PRIM2: variants seen among roughly 807,000 people sequenced by gnomAD.
PRIM2 encodes the protein DNA primase large subunit.
PRIM2 carries 39 observed loss-of-function variants against 67.3 expected under a neutral mutation model. The ratio of observed to expected loss-of-function variants is 0.58; its 90% confidence interval spans 0.45 to 0.76. The LOEUF (loss-of-function observed/expected upper bound fraction) is 0.76. Ranked by LOEUF, PRIM2 falls within the 30% of genes least tolerant of loss-of-function variation. The pLI is 0.00. For missense variants in PRIM2, 398 were observed against 598.7 expected, an observed-to-expected ratio of 0.66 and a Z score of 3.50; for synonymous variants, 143 against 198.7, an observed-to-expected ratio of 0.72 and a Z score of 2.36.
chr6:57,363,293 C>T (rs939327432), intron 5 of PRIM2, among the ~76,000 whole-genome samples: 1 of 152,048 alleles, frequency 6.6e-6, no homozygotes, highest in Non-Finnish European at 1.5e-5. Flanking sequence ...AGAACCATGA[C>T]ACAATTATAT....
chr6:57,514,417 A>G (rs1255970795), intron 8 of PRIM2, among the ~76,000 whole-genome samples: 3 of 152,064 alleles, frequency 2.0e-5, no homozygotes, highest in Non-Finnish European at 4.4e-5. Context: ...GGGCTTCATC[A>G]GTTGAGGGCT....
intron 7 of PRIM2, among the ~76,000 whole-genome samples, chr6:57,491,350 A>T (rs1199722539): frequency 3.9e-5 from 6 of 152,238 alleles, no homozygotes; most frequent in Non-Finnish European, 7.3e-5. Flanking sequence ...TTCATATTGC[A>T]TTTGATAAAG....
intron 7 of PRIM2, among the ~76,000 whole-genome samples, chr6:57,408,004 G>T (rs2127361391): frequency 6.6e-6 from 1 of 152,372 alleles, no homozygotes; most frequent in South Asian, 2.1e-4. Flanking sequence ...CAATGTACCT[G>T]TATCTGTAAT....
chr6:57,436,064 T>G (rs1392548863), intron 7 of PRIM2, among the ~76,000 whole-genome samples: 3 of 152,208 alleles, frequency 2.0e-5, no homozygotes, highest in Non-Finnish European at 4.4e-5. Flanking sequence ...TTTAAATAAT[T>G]TCTTCTCCCA....
chr6:57,452,765 C>T, intron 7 of PRIM2, among the ~76,000 whole-genome samples: 1 of 108,456 alleles, frequency 9.2e-6, no homozygotes, highest in East Asian at 2.4e-4. Flanking sequence ...GTTTCTTTTG[C>T]TGTGCAGAAG....
intron 10 of PRIM2, among the ~76,000 whole-genome samples, chr6:57,558,216 C>T (rs1256306524): frequency 6.6e-6 from 1 of 152,154 alleles, no homozygotes; most frequent in Non-Finnish European, 1.5e-5. Context: ...CTTATTAGCA[C>T]AGTGTCTGAT....
chr6:57,570,240 G>GTGT (rs1459892654), intron 10 of PRIM2, among the ~76,000 whole-genome samples: 1 of 152,190 alleles, frequency 6.6e-6, no homozygotes, highest in African/African-American at 2.4e-5. Flanking sequence ...TGAAAGAGCT[G>GTGT]TGTATACATC....
In PRIM2 at chr6:57,326,020, A is replaced by C. The variant is rs1174929843; in HGVS notation, c.434A>C (p.Lys145Thr). 6.2e-7 allele frequency: 1 copy of C among 1,612,904 alleles called. No homozygotes were observed. Among genetic ancestry groups the C allele is most frequent in the Non-Finnish European group, 8.5e-7 (1 of 1,179,558 alleles). The part of the protein sequence containing the change: ...LPKDKIQDFL[K>T]DSQLQFEAIS... ...AAGGATAAAATTCAGGATTTCTTAA[A>C]GGATAGCCAATTGCAGTTTGAGGCT... The change falls in exon 5 of 14, where the codon AAG becomes ACG. Residue 145 changes from lysine to threonine, a missense_variant. Lys to Thr is a moderately conservative substitution (Grantham distance 78). Transcript: ENST00000615550.
intron 10 of PRIM2, among the ~76,000 whole-genome samples, chr6:57,543,866 A>G (rs1775231470): frequency 6.6e-6 from 1 of 152,196 alleles, no homozygotes; most frequent in East Asian, 1.9e-4. Flanking sequence ...ACTGTCATCC[A>G]AAGTATAAAT....
At chr6:57,547,330 C>T (rs1176394205) in intron 10 of PRIM2, among the ~76,000 whole-genome samples, 15 of 152,094 alleles carry the variant, frequency 9.9e-5, no homozygotes, top group Non-Finnish European at 1.6e-4. Flanking sequence ...TGTGCTGCGA[C>T]GTCATCTCCC....
chr6:57,436,059 A>G (rs1026012322), intron 7 of PRIM2, among the ~76,000 whole-genome samples: 2 of 152,166 alleles, frequency 1.3e-5, no homozygotes, highest in Non-Finnish European at 2.9e-5. Context: ...CAAGTTTTAA[A>G]TAATTTCTTC....
chr6:57,264,938 G>C, the PRIM2 span, among the ~76,000 whole-genome samples: 2 of 152,130 alleles, frequency 1.3e-5, no homozygotes, highest in Non-Finnish European at 2.9e-5. Flanking sequence ...CTCAGTAATG[G>C]GTGGAGGAGA....
chr6:57,261,549 A>G, the PRIM2 span, among the ~76,000 whole-genome samples: 1 of 152,174 alleles, frequency 6.6e-6, no homozygotes, highest in African/African-American at 2.4e-5. Context: ...ATCTAAGAGC[A>G]AAACAGGACA....
Position 57,324,271 on chromosome 6 carries a change from A to G in PRIM2, c.329A>G (p.Tyr110Cys). 2 of 1,591,714 alleles carry G rather than the reference A, an allele frequency of 1.3e-6. No homozygotes were observed. The highest frequency in any genetic ancestry group is 1.1e-5 in the South Asian group (1 of 89,032). ...HISHFILRLA[Y>C]CQSEELRRWF... ...TCTCATTTTATTTTGCGGCTTGCTT[A>G]TTGCCAGTCGTAAGTATATGTTTAT... is the stretch of plus-strand genomic sequence containing the variant. Residue 110 changes from tyrosine to cysteine, a missense_variant, in exon 4 of 14, where the codon TAT (tyrosine) becomes TGT (cysteine). Tyr to Cys is a radical substitution (Grantham distance 194). This residue lies in a region of PRIM2 where 229 missense variants were observed against 383.6 expected (regional missense o/e 0.60). Transcript: ENST00000615550.
At chr6:57,493,913 C>T (rs1773949521) in intron 7 of PRIM2, 3 of 152,114 alleles carry the variant, frequency 2.0e-5, no homozygotes, top group Non-Finnish European at 4.4e-5. Context: ...CAGACTTGTC[C>T]TTTGCTTGTC....
intron 7 of PRIM2, among the ~76,000 whole-genome samples, chr6:57,439,304 G>T (rs1366050945): frequency 1.3e-5 from 2 of 148,514 alleles, no homozygotes; most frequent in East Asian, 4.0e-4. Context: ...TTCTGTTTCT[G>T]AGCGTTCTCT....
At chr6:57,295,863 C>T in the PRIM2 span, among the ~76,000 whole-genome samples, 7 of 152,106 alleles carry the variant, frequency 4.6e-5, no homozygotes, top group Admixed American at 2.0e-4. Context: ...TCCCAACACC[C>T]GGATTAAAAT....
At chr6:57,560,030 A>G (rs1490123864) in intron 10 of PRIM2, among the ~76,000 whole-genome samples, 1 of 152,192 alleles carries the variant, frequency 6.6e-6, no homozygotes, top group African/African-American at 2.4e-5. Flanking sequence ...GTTTCCTTTC[A>G]TAAAAGATTT....
At chr6:57,387,061 A>T (rs1191992202) in intron 7 of PRIM2, among the ~76,000 whole-genome samples, 1 of 152,024 alleles carries the variant, frequency 6.6e-6, no homozygotes, top group Non-Finnish European at 1.5e-5. Context: ...TTTGATAGGA[A>T]CTCTGTGGCC....
Sources: allele counts gnomAD v4.1 joint callset (sites outside exome capture counted in the v4.1 genomes callset), GRCh38; gene constraint gnomAD v4.1.1; regional missense constraint gnomAD v4.1.1; transcripts MANE v1.5; gene names NCBI Gene and HGNC (gene_info 2026-07-23, HGNC 2026-07-21).